Variants in FLNB observed in about 807,000 individuals in gnomAD.
The protein encoded by FLNB is filamin-B.
A neutral mutation model predicts 250.6 loss-of-function variants in FLNB; 111 were observed. The observed-to-expected ratio is 0.44, with a 90% CI of 0.38 to 0.52. FLNB has a LOEUF of 0.52. FLNB is among the 20% of genes least tolerant of loss of function. FLNB has a pLI of 0.00. For synonymous variants in FLNB, 1,302 were observed against 1,372.1 expected (o/e 0.95, Z 1.13); for missense variants, 2,869 against 3,447.8 (o/e 0.83, Z 4.20).
chr3:58,088,360 C>T (rs950311968), intron 4 of FLNB, among the ~76,000 whole-genome samples: 3 of 151,986 alleles, frequency 2.0e-5, no homozygotes, highest in East Asian at 1.9e-4. Flanking sequence ...GTTTGGAATT[C>T]TTCATAATAA....
intron 4 of FLNB, among the ~76,000 whole-genome samples, chr3:58,090,955 G>A (rs1350072579): frequency 6.6e-6 from 1 of 152,078 alleles, no homozygotes; most frequent in African/African-American, 2.4e-5. Flanking sequence ...GTGGGTGCCT[G>A]TAGTCCCAGC....
intron 39 of FLNB, chr3:58,154,567 G>T: frequency 8.5e-5 from 39 of 456,290 alleles, no homozygotes; most frequent in Non-Finnish European, 1.0e-4. Context: ...AAAAAGACAT[G>T]TCTTCAGAGG....
chr3:58,012,409 G>A (rs1437411305), intron 1 of FLNB, among the ~76,000 whole-genome samples: 2 of 152,110 alleles, frequency 1.3e-5, no homozygotes, highest in Admixed American at 1.3e-4. Context: ...GCTAGTAAAT[G>A]GTGTCTGAAA....
intron 39 of FLNB, 82 bp downstream of exon 39, chr3:58,153,723 C>T (rs767644900): frequency 1.4e-4 from 211 of 1,532,994 alleles, no homozygotes; most frequent in Non-Finnish European, 1.8e-4. Context: ...CTTTTTTGCC[C>T]CATTTGAAAG....
intron 42 of FLNB, among the ~76,000 whole-genome samples, chr3:58,161,603 C>T (rs1479595833): frequency 6.6e-6 from 1 of 152,208 alleles, no homozygotes; most frequent in East Asian, 1.9e-4. Flanking sequence ...ATACCCAGCT[C>T]AAGCCAACTC....
intron 41 of FLNB, among the ~76,000 whole-genome samples, chr3:58,159,253 G>A (rs2107306824): frequency 6.6e-6 from 1 of 152,258 alleles, no homozygotes; most frequent in East Asian, 1.9e-4. Flanking sequence ...TGGCCTGCAT[G>A]GGCATTATTT....
intron 5 of FLNB, 67 bp from the exon 6 acceptor site, chr3:58,096,074 G>T: frequency 7.8e-7 from 1 of 1,275,970 alleles, no homozygotes; most frequent in East Asian, 2.3e-5. Context: ...CAGAACCCCT[G>T]CTGACACAGC....
chr3:58,090,339 TGAG>T (rs1453711033), intron 4 of FLNB, among the ~76,000 whole-genome samples: 1 of 152,134 alleles, frequency 6.6e-6, no homozygotes, highest in Non-Finnish European at 1.5e-5. Flanking sequence ...AGGACTTGCT[TGAG>T]GCTGCTTTAC....
chr3:58,014,061 A>C (rs1410440786), intron 1 of FLNB, among the ~76,000 whole-genome samples: 5 of 152,226 alleles, frequency 3.3e-5, no homozygotes, highest in Non-Finnish European at 7.3e-5. Context: ...AGATTAAACA[A>C]GTTAATAATT....
chr3:58,152,801 G>A (rs9884098), intron 38 of FLNB: 313,863 of 1,288,520 alleles, frequency 0.24, 40,882 homozygotes, highest in Middle Eastern at 0.32. Flanking sequence ...TCCGTGCCCC[G>A]CATGCGGCCG....
At chr3:58,159,408 T>C in intron 41 of FLNB, 146 bp from the exon 42 acceptor site, 1 of 777,042 alleles carries the variant, frequency 1.3e-6, no homozygotes, top group Non-Finnish European at 2.2e-6. Flanking sequence ...AAATGCAGAA[T>C]GGCTCACCTG....
chr3:58,143,415 G>A, intron 31 of FLNB, 58 bp from the exon 32 acceptor site: 1 of 1,603,406 alleles, frequency 6.2e-7, no homozygotes, highest in Admixed American at 1.7e-5. Context: ...CTTGGGCTCT[G>A]CTTCTCTGGG....
chr3:58,159,004 A>G (rs944174229), intron 41 of FLNB, among the ~76,000 whole-genome samples: 1 of 151,756 alleles, frequency 6.6e-6, no homozygotes, highest in Non-Finnish European at 1.5e-5. Flanking sequence ...GAGGTTTGGC[A>G]CCCTAGATAT....
Position 58,149,770 on chromosome 3 carries a change from C to T in FLNB, c.6092-80C>T, listed in dbSNP as rs533428158. On this transcript the variant is annotated intron_variant, in intron 36 of 45. Coordinates refer to ENST00000295956, the MANE Select transcript of FLNB (RefSeq NM_001457.4). The stretch of plus-strand genomic sequence containing the variant: ...TAGAAATAGATTGAGGCGTAAGGGT[C>T]GGATGTCCTTTCTCCATTCATCAGG... 2.6e-5 allele frequency: 41 copies of T among 1,558,120 alleles called. No individual in the cohort carries two copies. In the African/African-American group the frequency reaches 3.0e-4, roughly 11 times the overall value.
chr3:58,146,709 C>A (rs769567626), intron 33 of FLNB, 111 bp from the exon 34 acceptor site: 98 of 1,116,896 alleles, frequency 8.8e-5, no homozygotes, highest in South Asian at 6.6e-4. Context: ...TGGAGTGCGT[C>A]AATCCATTGT....
rs768675634 is a variant in FLNB at position 58,168,434 on chromosome 3, T to C, written c.7199-6T>C. On this transcript the variant is annotated splice_region_variant and splice_polypyrimidine_tract_variant and intron_variant, in intron 43 of 45. Transcript: ENST00000295956. Reference sequence around the variant, plus strand: ...CAACACAGCATTTTCTATTCCTTTCTCCCAGGTATCCAGTCGGAATTCTTT... The same window carrying C: ...CAACACAGCATTTTCTATTCCTTTCCCCCAGGTATCCAGTCGGAATTCTTT... 5 of 1,610,384 alleles carry C rather than the reference T, an allele frequency of 3.1e-6. No homozygotes were observed. In the South Asian group the frequency reaches 5.5e-5, roughly 18 times the overall value.
At chr3:58,024,725 T>TTTTTTTTTTC (rs2097120588) in intron 1 of FLNB, among the ~76,000 whole-genome samples, 1 of 102,596 alleles carries the variant, frequency 9.7e-6, no homozygotes, top group Non-Finnish European at 1.6e-5. Flanking sequence ...TTTTTTTTTT[T>TTTTTTTTTTC]TTTAACCTTG....
Position 58,123,638 on chromosome 3 carries a change from C to A in FLNB, c.3672C>A (p.Pro1224=). The stretch of plus-strand genomic sequence containing the variant: ...TCCCCGCCCGGGTCAAGGTGGAGCC[C>A]GCCGTGGACACCAGCAGGATCAAAG... The part of the protein sequence containing the change: ...PHFPARVKVE[P]AVDTSRIKVF... Residue 1224 remains proline, a synonymous_variant, in exon 21 of 46, where the codon CCC becomes CCA. Transcript: ENST00000295956. 1 of 1,612,184 alleles carries A rather than the reference C, an allele frequency of 6.2e-7. No individual in the cohort carries two copies.
intron 18 of FLNB, among the ~76,000 whole-genome samples, chr3:58,118,401 A>G (rs1218629396): frequency 6.6e-6 from 1 of 152,118 alleles, no homozygotes. Context: ...ACTGGGTATG[A>G]TGATGGGGAG....
Sources: allele counts gnomAD v4.1 joint callset (sites outside exome capture counted in the v4.1 genomes callset), GRCh38; gene constraint gnomAD v4.1.1; transcripts MANE v1.5; gene names NCBI Gene and HGNC (gene_info 2026-07-23, HGNC 2026-07-21).